VPS13C: variants seen among roughly 807,000 people sequenced by gnomAD.
VPS13C encodes intermembrane lipid transfer protein VPS13C.
A neutral mutation model predicts 456.8 loss-of-function variants in VPS13C; 358 were observed. That is an observed-to-expected ratio of 0.78 (90% CI 0.72 to 0.86). The LOEUF (loss-of-function observed/expected upper bound fraction) is 0.86. Ranked by LOEUF, VPS13C falls within the 40% of genes least tolerant of loss-of-function variation. The pLI is 0.00. For synonymous variants in VPS13C, 1,578 were observed against 1,486.7 expected (o/e 1.06, Z -1.41); for missense variants, 4,818 against 4,385.4 (o/e 1.10, Z -2.79).
chr15:62,043,398 G>C (rs1236758671), intron 2 of VPS13C, among the ~76,000 whole-genome samples: 2 of 152,196 alleles, frequency 1.3e-5, no homozygotes, highest in South Asian at 2.1e-4. Context: ...CTGAGGTCAG[G>C]AGTTGCAGAC....
chr15:61,979,222 AG>A lies in VPS13C; in HGVS notation c.2167-474del, dbSNP rs2045800643. ...TCCTGGTGGAAGCAAGGATCAATTCAGGAGTATACAAGGGATCTTCAAAAAG... is the reference window on the plus strand; with the variant it reads ...TCCTGGTGGAAGCAAGGATCAATTCAGAGTATACAAGGGATCTTCAAAAAG... On this transcript the variant is annotated intron_variant, in intron 22 of 84. Transcript: ENST00000644861. Among the ~76,000 whole-genome samples, 2 of 152,258 alleles carry A rather than the reference AG, an allele frequency of 1.3e-5. 1 individual carries two copies. The highest frequency in any genetic ancestry group is 4.8e-5 in the African/African-American group (2 of 41,468).
chr15:61,909,242 C>T, intron 64 of VPS13C, 117 bp from the exon 65 acceptor site: 1 of 1,312,742 alleles, frequency 7.6e-7, no homozygotes, highest in Non-Finnish European at 1.0e-6. Context: ...CAGAGTCTTG[C>T]TGTCACCCAG....
chr15:61,907,101 TTTGAACTACAG>T, intron 66 of VPS13C, 152 bp downstream of exon 66: 1 of 897,846 alleles, frequency 1.1e-6, no homozygotes, highest in East Asian at 2.6e-5. Flanking sequence ...AATATACTGG[TTTGAACTACAG>T]TATTTGCCAT....
intron 24 of VPS13C, 100 bp downstream of exon 24, chr15:61,976,982 T>C (rs2045720950): frequency 2.6e-6 from 2 of 778,402 alleles, no homozygotes; most frequent in Non-Finnish European, 2.1e-6. Flanking sequence ...ATTTTTGCTG[T>C]CTCCCACAGA....
At chr15:61,928,774 G>A (rs1164493623) in intron 51 of VPS13C, among the ~76,000 whole-genome samples, 1 of 152,044 alleles carries the variant, frequency 6.6e-6, no homozygotes, top group Non-Finnish European at 1.5e-5. Context: ...AGCTACTCAG[G>A]AGGCTGAGGT....
chr15:62,020,482 T>C lies in VPS13C; in HGVS notation c.681A>G (p.Leu227=), dbSNP rs780443009. 1.2e-6 allele frequency: 2 copies of C among 1,609,856 alleles called. No homozygotes were observed. Among genetic ancestry groups the C allele is most frequent in the Non-Finnish European group, 8.5e-7 (1 of 1,177,818 alleles). ...SFGVTLGELS[L]LTANEHWTPC... ...TTTAAAATAAAGCAAACATTACCAG[T>C]AGACTAAGCTCTCCCAGTGTGACAC... Residue 227 remains leucine (L), a synonymous_variant, in exon 9 of 85, where the codon CTA becomes CTG. Transcript: ENST00000644861.
intron 9 of VPS13C, among the ~76,000 whole-genome samples, chr15:62,014,678 T>G (rs1043336040): frequency 2.6e-5 from 4 of 152,152 alleles, no homozygotes; most frequent in Non-Finnish European, 5.9e-5. Context: ...AGCCAGACAA[T>G]GTGCCAAAAG....
At chr15:61,964,021 G>A (rs1310262702) in intron 31 of VPS13C, 70 bp from the exon 32 acceptor site, 19 of 956,788 alleles carry the variant, frequency 2.0e-5, no homozygotes, top group Middle Eastern at 2.4e-4. Flanking sequence ...AGGTTTATTC[G>A]CTATATTAAG....
chr15:61,854,928 G>C lies in VPS13C; in HGVS notation c.11103C>G (p.Asp3701Glu). The change falls in exon 84 of 85, where the codon GAC becomes GAG. Residue 3701 changes from aspartate (D) to glutamate (E), a missense_variant. By Grantham distance (45) the Asp-to-Glu change is conservative (BLOSUM62 2). Around this residue, in one of 3 missense-constraint regions of VPS13C, gnomAD observed 261 missense variants for 234.1 expected, o/e 1.11. Transcript: ENST00000644861. The part of the protein sequence containing the change: ...VKEQGLFHKK[D>E]SANQGCVRKV... ...TTCGAACACAGCCTTGATTGGCACT[G>C]TCTTTTTTGTGGAACAGACCCTGTT... 2 of 1,613,116 alleles carry C rather than the reference G, an allele frequency of 1.2e-6. No homozygotes were observed. The highest frequency in any genetic ancestry group is 1.7e-6 in the Non-Finnish European group (2 of 1,179,692).
chr15:61,950,075 T>C (rs1427787817), intron 41 of VPS13C, among the ~76,000 whole-genome samples: 3 of 152,172 alleles, frequency 2.0e-5, no homozygotes, highest in Admixed American at 6.6e-5. Context: ...AAAACCACAG[T>C]TGACAAAAAT....
At chr15:61,959,383 T>G in intron 36 of VPS13C, 65 bp downstream of exon 36, 7 of 1,404,720 alleles carry the variant, frequency 5.0e-6, no homozygotes, top group Non-Finnish European at 6.7e-6. Context: ...CATTTGGATT[T>G]CTGCTAAAAG....
At chr15:62,048,864 G>C (rs2048521020) in intron 1 of VPS13C, among the ~76,000 whole-genome samples, 1 of 152,200 alleles carries the variant, frequency 6.6e-6, no homozygotes, top group Admixed American at 6.5e-5. Context: ...GTGATGATGA[G>C]CATTTTTTCA....
intron 1 of VPS13C, among the ~76,000 whole-genome samples, chr15:62,046,626 T>C (rs1161417390): frequency 6.6e-6 from 1 of 152,230 alleles, no homozygotes; most frequent in Non-Finnish European, 1.5e-5. Flanking sequence ...CATTCCCAAT[T>C]GGTGGGCCAA....
At chr15:62,045,353 G>T (rs2048365628) in intron 1 of VPS13C, among the ~76,000 whole-genome samples, 1 of 152,074 alleles carries the variant, frequency 6.6e-6, no homozygotes, top group South Asian at 2.1e-4. Context: ...TCCAATAGAA[G>T]CGTACACAAG....
In VPS13C at chr15:62,003,753, C is replaced by A. The variant is rs1210783808; in HGVS notation, c.1291-3127G>T. Among the ~76,000 whole-genome samples the A allele has an allele frequency of 2.6e-5, 4 of 151,474 alleles. No homozygotes were observed. The East Asian group carries it at 5.8e-4, about 22-fold the overall frequency. On this transcript the variant is annotated intron_variant, in intron 15 of 84. Coordinates refer to ENST00000644861, the MANE Select transcript of VPS13C (RefSeq NM_020821.3). ...AAGGGCTGTTGAATTTTGTCAAAGG[C>A]CTTTTCTGCATCTATTGAGATAATC...
intron 78 of VPS13C, among the ~76,000 whole-genome samples, chr15:61,872,535 T>A (rs938265451): frequency 6.6e-6 from 1 of 152,066 alleles, no homozygotes; most frequent in Non-Finnish European, 1.5e-5. Context: ...CACCCAACAT[T>A]ACAAATTACT....
intron 23 of VPS13C, 103 bp downstream of exon 23, chr15:61,978,522 CA>C: frequency 7.3e-7 from 1 of 1,365,662 alleles, no homozygotes; most frequent in Non-Finnish European, 9.7e-7. Context: ...AATATGTGTG[CA>C]AAATGGTTGT....
chr15:61,971,678 G>C (rs529683388), intron 27 of VPS13C, among the ~76,000 whole-genome samples: 28 of 152,324 alleles, frequency 1.8e-4, no homozygotes. Flanking sequence ...CAGTGACTTA[G>C]ACAGTACAGT....
chr15:62,008,333 C>A (rs2046923032), intron 14 of VPS13C, among the ~76,000 whole-genome samples: 1 of 151,318 alleles, frequency 6.6e-6, no homozygotes, highest in Non-Finnish European at 1.5e-5. Context: ...CAGGGAGGCA[C>A]AAGTTGCAGT....
Sources: gnomAD v4.1 joint callset for allele counts (sites outside exome capture counted in the v4.1 genomes callset) on GRCh38, gnomAD v4.1.1 for gene constraint, gnomAD v4.1.1 regional missense constraint, MANE v1.5 for transcripts, NCBI Gene and HGNC (gene_info 2026-07-23, HGNC 2026-07-21) for gene names.